Variants in SP140L observed in about 807,000 individuals in gnomAD.
SP140L encodes nuclear body protein SP140-like protein.
In SP140L, 64 loss-of-function variants were observed where a neutral mutation model predicts 84.3. The observed-to-expected ratio is 0.76, with a 90% CI of 0.62 to 0.94. SP140L has a LOEUF of 0.94. SP140L is among the 40% of genes least tolerant of loss of function. SP140L has a pLI of 0.00. For synonymous variants in SP140L, 242 were observed against 236.9 expected (o/e 1.02, Z -0.20); for missense variants, 628 against 692.5 (o/e 0.91, Z 1.05).
intron 5 of SP140L, among the ~76,000 whole-genome samples, chr2:230,368,082 T>C (rs1320757451): frequency 6.6e-6 from 1 of 152,264 alleles, no homozygotes; most frequent in African/African-American, 2.4e-5. Context: ...TTGTATTTTC[T>C]TGTGTTTTTA....
chr2:230,360,428 T>C (rs1412943720), intron 4 of SP140L, among the ~76,000 whole-genome samples: 1 of 152,252 alleles, frequency 6.6e-6, no homozygotes, highest in Non-Finnish European at 1.5e-5. Flanking sequence ...GGCTTATTGA[T>C]TTGTGTTAAT....
intron 2 of SP140L, among the ~76,000 whole-genome samples, chr2:230,352,484 A>T (rs903007797): frequency 2.0e-5 from 3 of 152,166 alleles, no homozygotes; most frequent in Admixed American, 2.0e-4. Flanking sequence ...CTTTTAAATA[A>T]TCAGATCTCA....
At chr2:230,397,855 G>A (rs770945117) in intron 14 of SP140L, among the ~76,000 whole-genome samples, 1 of 152,252 alleles carries the variant, frequency 6.6e-6, no homozygotes, top group African/African-American at 2.4e-5. Context: ...CAGTGTTTGC[G>A]TGGCTGATTT....
At chr2:230,327,682 C>A (rs936683433) in intron 1 of SP140L, among the ~76,000 whole-genome samples, 1 of 152,172 alleles carries the variant, frequency 6.6e-6, no homozygotes, top group Non-Finnish European at 1.5e-5. Context: ...ATCTCCCAAC[C>A]CTTTCACATC....
intron 7 of SP140L, chr2:230,372,738 A>G (rs1185002886): frequency 6.6e-6 from 1 of 151,414 alleles, no homozygotes; most frequent in African/African-American, 2.4e-5. Flanking sequence ...AAAAAAAAAA[A>G]AAAAAAAAAG....
chr2:230,377,621 G>T (rs1323840351), intron 7 of SP140L, among the ~76,000 whole-genome samples: 1 of 152,086 alleles, frequency 6.6e-6, no homozygotes, highest in East Asian at 1.9e-4. Context: ...CAAATCTTTG[G>T]GTTGGGCATG....
intron 10 of SP140L, 32 bp from the exon 11 acceptor site, chr2:230,389,887 G>A (rs772339759): frequency 2.5e-6 from 4 of 1,608,842 alleles, no homozygotes; most frequent in Non-Finnish European, 8.5e-7. Context: ...CCTTTGCAAA[G>A]TGAGACAGAA....
chr2:230,359,161 T>C, intron 4 of SP140L, 29 bp downstream of exon 4: 1 of 1,594,520 alleles, frequency 6.3e-7, no homozygotes, highest in Non-Finnish European at 8.5e-7. Context: ...TACCTTTTGA[T>C]TTCCGGGGCC....
At chr2:230,339,886 T>C (rs1250671950) in intron 2 of SP140L, among the ~76,000 whole-genome samples, 3 of 149,254 alleles carry the variant, frequency 2.0e-5, no homozygotes, top group Non-Finnish European at 4.4e-5. Flanking sequence ...TCTGTTCTTT[T>C]ACATTTGCTG....
intron 3 of SP140L, 39 bp from the exon 4 acceptor site, chr2:230,358,910 CTTCTGTAACTTGAAA>C: frequency 6.9e-7 from 1 of 1,449,608 alleles, no homozygotes; most frequent in South Asian, 1.5e-5. Flanking sequence ...TTTTATGGCT[CTTCTGTAACTTGAAA>C]GTCTGTATTT....
At chr2:230,333,316 G>A (rs1487785352) in intron 2 of SP140L, among the ~76,000 whole-genome samples, 2 of 151,960 alleles carry the variant, frequency 1.3e-5, no homozygotes, top group Admixed American at 6.6e-5. Flanking sequence ...CCACCACCAC[G>A]TCTGGCTAAT....
intron 2 of SP140L, among the ~76,000 whole-genome samples, chr2:230,354,450 T>A (rs757427740): frequency 1.3e-5 from 2 of 152,170 alleles, no homozygotes; most frequent in Non-Finnish European, 2.9e-5. Flanking sequence ...TAGTAGTTCA[T>A]GATAAAATTC....
chr2:230,370,976 G>A lies in SP140L; in HGVS notation c.583+9G>A, dbSNP rs767457060. 7 of 1,613,314 alleles carry A rather than the reference G, an allele frequency of 4.3e-6. No homozygotes were observed. Among genetic ancestry groups the A allele is most frequent in the Non-Finnish European group, 5.9e-6 (7 of 1,179,570 alleles). ...AGCATGTGGCAAAATGGGTAAGGCT[G>A]CCTGAGGGCTGTGGGATGGGGTGGC... On this transcript the variant is annotated intron_variant, in intron 6 of 18. Transcript: ENST00000415673.
chr2:230,383,768 G>A (rs1466635433), intron 8 of SP140L, among the ~76,000 whole-genome samples, 193 bp downstream of exon 8: 1 of 152,160 alleles, frequency 6.6e-6, no homozygotes, highest in Non-Finnish European at 1.5e-5. Flanking sequence ...TCTAATGCAT[G>A]TAATAGTCCA....
At chr2:230,388,269 T>C (rs1460978640) in intron 9 of SP140L, among the ~76,000 whole-genome samples, 1 of 152,174 alleles carries the variant, frequency 6.6e-6, no homozygotes, top group Non-Finnish European at 1.5e-5. Context: ...AAATATGAAA[T>C]GAACCTTCAA....
At position 230,392,365 on chromosome 2, in the gene SP140L, A is replaced by G. The variant is rs1035635081; in HGVS notation, c.1107+136A>G. On this transcript the variant is annotated intron_variant, in intron 12 of 18. Transcript: ENST00000415673. ...CAGTGAGTTTATCCTCTCACTCAGG[A>G]GAGAGGGACCCCATATCCATAACCA... 3 of 1,344,900 alleles carry G rather than the reference A, an allele frequency of 2.2e-6. No individual in the cohort carries two copies. In the African/African-American group the frequency reaches 4.4e-5, roughly 20 times the overall value. 83.3% of individuals were successfully genotyped at this position (1,344,900 alleles called of 1,614,324 possible). A position where few individuals can be genotyped will look rare whatever the true frequency, so the allele number is the denominator to read the frequency against.
At chr2:230,345,147 G>A (rs980381089) in intron 2 of SP140L, among the ~76,000 whole-genome samples, 1 of 152,086 alleles carries the variant, frequency 6.6e-6, no homozygotes, top group Non-Finnish European at 1.5e-5. Flanking sequence ...CTTTCAGATT[G>A]GTTAGTATTT....
At chr2:230,390,949 G>C (rs1181142669) in intron 11 of SP140L, among the ~76,000 whole-genome samples, 2 of 152,092 alleles carry the variant, frequency 1.3e-5, no homozygotes, top group Non-Finnish European at 2.9e-5. Flanking sequence ...CTATAAATTT[G>C]CTTATTCTAG....
chr2:230,388,742 ATACTAAC>A (rs1367140704), intron 10 of SP140L, 109 bp downstream of exon 10: 1 of 880,450 alleles, frequency 1.1e-6, no homozygotes, highest in Non-Finnish European at 1.6e-6. Flanking sequence ...TTATGAAGCT[ATACTAAC>A]TATTGAAAAA....
Sources: allele counts gnomAD v4.1 joint callset (sites outside exome capture counted in the v4.1 genomes callset), GRCh38; gene constraint gnomAD v4.1.1; transcripts MANE v1.5; gene names NCBI Gene and HGNC (gene_info 2026-07-23, HGNC 2026-07-21).